PLCXD1: variants seen among roughly 807,000 people sequenced by gnomAD.
PLCXD1 encodes PI-PLC X domain-containing protein 1.
In PLCXD1, 45 loss-of-function variants were observed where a neutral mutation model predicts 37.8. The observed-to-expected ratio is 1.19, with a 90% CI of 0.94 to 1.53. PLCXD1 has a LOEUF of 1.53. Among genes scored for constraint, PLCXD1 ranks in the 40% most tolerant of loss-of-function variants. The probability of loss-of-function intolerance (pLI) is 0.00; values close to 1 mark genes in which losing one functional copy is unlikely to be tolerated. For synonymous variants in PLCXD1, 246 were observed against 206.9 expected, an observed-to-expected ratio of 1.19 and a Z score of -1.62; for missense variants, 539 against 454.7, an observed-to-expected ratio of 1.19 and a Z score of -1.69.
chrX:294,159 G>A (rs1457682718), intron 6 of PLCXD1, among the ~76,000 whole-genome samples: 1 of 152,080 alleles, frequency 6.6e-6, no homozygotes, highest in Non-Finnish European at 1.5e-5. Context: ...CCAACATGGC[G>A]AAACCTCTTC....
At chrX:294,228 A>G (rs1175752207) in intron 6 of PLCXD1, among the ~76,000 whole-genome samples, 1 of 152,214 alleles carries the variant, frequency 6.6e-6, no homozygotes, top group Non-Finnish European at 1.5e-5. Context: ...CACGCCTGTA[A>G]TCCCAGCACT....
intron 3 of PLCXD1, 82 bp from the exon 4 acceptor site, chrX:290,566 T>TGG: frequency 6.7e-7 from 1 of 1,499,474 alleles, no homozygotes; most frequent in Middle Eastern, 2.3e-4. Flanking sequence ...GACATGCGGG[T>TGG]GGGCCAACCC....
intron 1 of PLCXD1, among the ~76,000 whole-genome samples, chrX:283,008 A>G (rs1402928482): frequency 6.8e-6 from 1 of 146,544 alleles, no homozygotes; most frequent in Non-Finnish European, 1.5e-5. Context: ...TATATTATAT[A>G]TGTTATATAT....
rs1354264809 is a variant in PLCXD1, at chrX:291,628, T to C, written c.523T>C (p.Phe175Leu). The C allele has an allele frequency of 1.2e-6, 2 of 1,612,810 alleles. No individual in the cohort carries two copies. The highest frequency in any genetic ancestry group is 1.1e-5 in the South Asian group (1 of 91,018). Residue 175 changes from phenylalanine (F) to leucine (L), a missense_variant, in exon 5 of 7, where the codon TTC becomes CTC. Phe to Leu is a conservative substitution (Grantham distance 22). Coordinates refer to ENST00000381657, the MANE Select transcript of PLCXD1 (RefSeq NM_018390.4). ...EYLVACIKNIFGDMLCPRGEV... is the reference protein window; with the variant it reads ...EYLVACIKNILGDMLCPRGEV... Reference sequence around the variant, plus strand: ...CCTGGTCGCCTGTATCAAGAACATCTTCGGGGACATGCTGTGTCCTCGTGG... The same window carrying C: ...CCTGGTCGCCTGTATCAAGAACATCCTCGGGGACATGCTGTGTCCTCGTGG...
chrX:291,959 A>G (rs1173535345), intron 5 of PLCXD1, among the ~76,000 whole-genome samples: 1 of 151,698 alleles, frequency 6.6e-6, no homozygotes, highest in Non-Finnish European at 1.5e-5. Context: ...CGAGGTCAAG[A>G]GATCGAGACT....
At chrX:279,546 C>T (rs372802009), upstream of PLCXD1, among the ~76,000 whole-genome samples, 14 of 152,212 alleles carry the variant, frequency 9.2e-5, no homozygotes, top group East Asian at 3.9e-4. Context: ...CCAAGGCGGG[C>T]GGATCACCTG....
At chrX:286,610 C>T (rs993672348) in intron 2 of PLCXD1, among the ~76,000 whole-genome samples, 6 of 152,000 alleles carry the variant, frequency 3.9e-5, no homozygotes, top group Admixed American at 6.6e-5. Flanking sequence ...GTGAAGGGGT[C>T]GTGATAAATC....
chrX:292,078 G>A (rs2069653849), intron 5 of PLCXD1, among the ~76,000 whole-genome samples: 1 of 152,092 alleles, frequency 6.6e-6, no homozygotes, highest in African/African-American at 2.4e-5. Context: ...GAGGCGGGCG[G>A]ATCACGAGGT....
chrX:284,615 TGCACATCTGCACAC>T lies in PLCXD1; in HGVS notation c.127+316_127+329del, dbSNP rs1193280106. The stretch of plus-strand genomic sequence containing the variant: ...ACGCACACACGCACACACGCACACA[TGCACATCTGCACAC>T]GCACATCTGCACACACACATGCACA... On this transcript the variant is annotated intron_variant, in intron 2 of 6. Coordinates refer to ENST00000381657, the MANE Select transcript of PLCXD1 (RefSeq NM_018390.4). Among the ~76,000 whole-genome samples, 230 of 141,940 alleles carry T rather than the reference TGCACATCTGCACAC, an allele frequency of 1.6e-3. 1 individual carries two copies. Among genetic ancestry groups the T allele is most frequent in the African/African-American group, 5.0e-3 (190 of 37,688 alleles). The allele number at this position is 141,940 out of a possible 152,430, so 93.1% of individuals were successfully genotyped here. A position where few individuals can be genotyped will look rare whatever the true frequency, so the allele number is the denominator to read the frequency against.
intron 2 of PLCXD1, among the ~76,000 whole-genome samples, chrX:287,681 TTG>T (rs1016842901): frequency 3.6e-5 from 5 of 140,368 alleles, no homozygotes; most frequent in Non-Finnish European, 7.6e-5. Flanking sequence ...CTATATATCT[TTG>T]TTTATAGATA....
rs929637576 is a variant in PLCXD1 at position 300,586 on chromosome X, G to A, written c.*1251G>A. On this transcript the variant is annotated 3_prime_UTR_variant, in exon 7 of 7. Transcript: ENST00000381657. ...TATGTGTATGTGTACATGTATATGT[G>A]TTTATACATGTATATGTGTGTATGC... 2.7e-5 allele frequency: 4 copies of A among 148,978 alleles called. No individual in the cohort carries two copies. The highest frequency in any genetic ancestry group is 4.4e-5 in the Non-Finnish European group (3 of 67,448). 9.2% of individuals were successfully genotyped at this position (148,978 alleles called of 1,614,324 possible).
At chrX:283,113 G>A (rs2124311363) in intron 1 of PLCXD1, 1 of 149,354 alleles carries the variant, frequency 6.7e-6, no homozygotes, top group South Asian at 2.1e-4. Flanking sequence ...CACACGTGGA[G>A]TGGTTTTAAG....
At chrX:283,564 T>TTGGTGTCAGGCCCGGGTGGGGGCGGCCG (rs1569564381) in intron 1 of PLCXD1, 1 of 70,068 alleles carries the variant, frequency 1.4e-5, no homozygotes, top group Non-Finnish European at 3.3e-5. Flanking sequence ...GGGGGCGGCC[T>TTGGTGTCAGGCCCGGGTGGGGGCGGCCG]TGGTGTCAGG....
chrX:276,889 G>A (rs1278847991), upstream of PLCXD1, among the ~76,000 whole-genome samples: 10 of 152,164 alleles, frequency 6.6e-5, no homozygotes, highest in African/African-American at 2.4e-4. Context: ...TGCGCGTCAC[G>A]GCCACTCACG....
At position 283,879 on chromosome X, in the gene PLCXD1, T is replaced by TC. The variant is rs886863998; in HGVS notation, c.-21-288_-21-287insC. 9.9e-3 allele frequency: 404 copies of TC among 40,664 alleles called. 1 individual carries two copies. Among genetic ancestry groups the TC allele is most frequent in the African/African-American group, 0.061 (289 of 4,764 alleles). The allele number at this position is 40,664 out of a possible 1,614,324, so 2.5% of individuals were successfully genotyped here. Reference sequence around the variant, plus strand: ...ACCCCTTTTCCTCTCTCTCTCTCTCTTTTTTTTTTTTCTTTTTTGGATATG... The same window carrying TC: ...ACCCCTTTTCCTCTCTCTCTCTCTCTCTTTTTTTTTTTCTTTTTTGGATATG... On this transcript the variant is annotated intron_variant, in intron 1 of 6. Transcript: ENST00000381657.
rs1453137271 is a variant in PLCXD1 at position 291,535 on chromosome X, C to T, written c.430C>T (p.His144Tyr). The change falls in exon 5 of 7, where the codon CAT becomes TAT. Residue 144 changes from histidine (H) to tyrosine (Y), a missense_variant. His to Tyr is a moderately conservative substitution (Grantham distance 83, BLOSUM62 2). Coordinates refer to ENST00000381657, the MANE Select transcript of PLCXD1 (RefSeq NM_018390.4). ...LTEISEWLER[H>Y]PREVVILACR... ...GGAAATCTCGGAGTGGCTGGAGCGG[C>T]ATCCACGCGAGGTGGTCATCCTGGC... The T allele has an allele frequency of 1.9e-6, 3 of 1,612,822 alleles. No individual in the cohort carries two copies. The highest frequency in any genetic ancestry group is 2.2e-5 in the East Asian group (1 of 44,882).
At chrX:280,312 G>A (rs1204345655), upstream of PLCXD1, among the ~76,000 whole-genome samples, 2 of 133,980 alleles carry the variant, frequency 1.5e-5, no homozygotes, top group South Asian at 2.4e-4. Flanking sequence ...CCGTGCAGGG[G>A]GAAGGGAGGC....
At chrX:294,188 A>C (rs2069725822) in intron 6 of PLCXD1, among the ~76,000 whole-genome samples, 1 of 152,186 alleles carries the variant, frequency 6.6e-6, no homozygotes, top group Non-Finnish European at 1.5e-5. Context: ...AAATACAAAA[A>C]TTAGCGGGCA....
Position 300,507 on chromosome X carries a change from T to A in PLCXD1, c.*1172T>A, listed in dbSNP as rs1442010426. 2.4e-5 allele frequency: 2 copies of A among 82,800 alleles called. No homozygotes were observed. The highest frequency in any genetic ancestry group is 5.0e-5 in the Non-Finnish European group (2 of 39,634). 5.1% of individuals were successfully genotyped at this position (82,800 alleles called of 1,614,324 possible). A position where few individuals can be genotyped will look rare whatever the true frequency, so the allele number is the denominator to read the frequency against. On this transcript the variant is annotated 3_prime_UTR_variant, in exon 7 of 7. Coordinates refer to ENST00000381657, the MANE Select transcript of PLCXD1 (RefSeq NM_018390.4). The stretch of plus-strand genomic sequence containing the variant: ...ATGTGTGTATGTGTGTATATATGTA[T>A]ATGTGTGCATATGTGTATACGTGTA...
Sources: allele counts gnomAD v4.1 joint callset (sites outside exome capture counted in the v4.1 genomes callset), GRCh38; gene constraint gnomAD v4.1.1; transcripts MANE v1.5; gene names NCBI Gene and HGNC (gene_info 2026-07-23, HGNC 2026-07-21).